SH3RF3: variants seen among roughly 807,000 people sequenced by gnomAD.
The protein encoded by SH3RF3 is E3 ubiquitin-protein ligase SH3RF3.
In SH3RF3, 29 loss-of-function variants were observed where a neutral mutation model predicts 66.3. That is an observed-to-expected ratio of 0.44 (90% CI 0.33 to 0.60). SH3RF3 has a LOEUF of 0.60. Among genes scored for constraint, SH3RF3 ranks in the 20% least tolerant of loss-of-function variants. The pLI is 0.04. For missense variants in SH3RF3, 1,194 were observed against 1,190.9 expected, an observed-to-expected ratio of 1.00 and a Z score of -0.04; for synonymous variants, 583 against 532.0, an observed-to-expected ratio of 1.10 and a Z score of -1.32.
intron 1 of SH3RF3, among the ~76,000 whole-genome samples, chr2:109,177,036 G>A (rs1677932177): frequency 6.6e-6 from 1 of 152,196 alleles, no homozygotes; most frequent in Admixed American, 6.5e-5. Context: ...TCAGCCACCT[G>A]CTGTGTGACC....
chr2:109,452,632 G>A (rs1261616062), intron 8 of SH3RF3, among the ~76,000 whole-genome samples: 6 of 152,206 alleles, frequency 3.9e-5, no homozygotes, highest in Non-Finnish European at 8.8e-5. Context: ...CCATATCCCT[G>A]TGTGTGGAGA....
At chr2:109,140,773 C>A (rs984662761) in intron 1 of SH3RF3, among the ~76,000 whole-genome samples, 1 of 152,170 alleles carries the variant, frequency 6.6e-6, no homozygotes, top group Non-Finnish European at 1.5e-5. Context: ...CCAGTCTATG[C>A]AATATGATTG....
chr2:109,319,284 A>G (rs1430302), intron 1 of SH3RF3, among the ~76,000 whole-genome samples: 46,344 of 152,130 alleles, frequency 0.3, 8,586 homozygotes, highest in African/African-American at 0.52. Context: ...GGTTCCTGGC[A>G]TCGTGATATG....
intron 1 of SH3RF3, among the ~76,000 whole-genome samples, chr2:109,175,267 C>T (rs1013077404): frequency 6.6e-6 from 1 of 152,180 alleles, no homozygotes; most frequent in Admixed American, 6.5e-5. Context: ...GTACTTCATC[C>T]TTTCCCCTAT....
At chr2:109,216,738 C>G (rs1248672692) in intron 1 of SH3RF3, among the ~76,000 whole-genome samples, 1 of 152,218 alleles carries the variant, frequency 6.6e-6, no homozygotes, top group African/African-American at 2.4e-5. Context: ...TTGCTAGGAC[C>G]TGATTTAAAT....
chr2:109,490,562 G>A (rs1679102239), intron 8 of SH3RF3, 43 bp from the exon 9 acceptor site: 39 of 1,365,952 alleles, frequency 2.9e-5, no homozygotes, highest in Non-Finnish European at 3.6e-5. Context: ...AGGGCATTGG[G>A]AAGCATTCAC....
chr2:109,172,085 T>G (rs1677796291), intron 1 of SH3RF3, among the ~76,000 whole-genome samples: 2 of 152,224 alleles, frequency 1.3e-5, no homozygotes, highest in African/African-American at 4.8e-5. Flanking sequence ...AAACTTGATA[T>G]GCACGTCATT....
intron 1 of SH3RF3, among the ~76,000 whole-genome samples, chr2:109,333,005 ATGTATTCGTCTTC>A (rs1682323538): frequency 6.6e-6 from 1 of 152,238 alleles, no homozygotes; most frequent in Admixed American, 6.5e-5. Flanking sequence ...CTGCTGGGTC[ATGTATTCGTCTTC>A]GGCAGCCTGG....
chr2:109,175,326 G>GT (rs1158974254), intron 1 of SH3RF3, among the ~76,000 whole-genome samples: 1 of 152,178 alleles, frequency 6.6e-6, no homozygotes, highest in Non-Finnish European at 1.5e-5. Flanking sequence ...TGTCTGAGGG[G>GT]TTTGTATTTC....
chr2:109,130,170 C>T lies in SH3RF3; in HGVS notation c.573+57C>T, dbSNP rs1010791058. On this transcript the variant is annotated intron_variant, in intron 1 of 9. Transcript: ENST00000309415. The stretch of plus-strand genomic sequence containing the variant: ...GCACGTGGGAGTGTGTGGGTGGGTG[C>T]TTGGGCGTGGGGGGCAGTGATGAGG... 4.8e-6 allele frequency: 6 copies of T among 1,250,986 alleles called. No individual in the cohort carries two copies. The Admixed American group carries it at 1.7e-4, about 35-fold the overall frequency. 77.5% of individuals were successfully genotyped at this position (1,250,986 alleles called of 1,614,324 possible).
At chr2:109,195,964 C>T (rs1283612301) in intron 1 of SH3RF3, among the ~76,000 whole-genome samples, 2 of 152,218 alleles carry the variant, frequency 1.3e-5, no homozygotes, top group Admixed American at 6.5e-5. Context: ...AGGTACCTTG[C>T]GGGCCTTCTG....
chr2:109,383,228 G>A lies in SH3RF3; in HGVS notation c.945+11547G>A, dbSNP rs1006691819. Reference sequence around the variant, plus strand: ...AGGATGACAGCAGCACTTCTTGGCTGAGGTCCAGGGCTATGTTTGGTACAG... The same window carrying A: ...AGGATGACAGCAGCACTTCTTGGCTAAGGTCCAGGGCTATGTTTGGTACAG... On this transcript the variant is annotated intron_variant, in intron 3 of 9. Transcript: ENST00000309415. 5.3e-5 allele frequency among the ~76,000 whole-genome samples: 8 copies of A among 152,362 alleles called. 1 individual carries two copies. Among genetic ancestry groups the A allele is most frequent in the Admixed American group, 5.2e-4 (8 of 15,306 alleles).
intron 1 of SH3RF3, among the ~76,000 whole-genome samples, chr2:109,330,229 T>A (rs866441700): frequency 2.0e-5 from 3 of 152,194 alleles, no homozygotes; most frequent in Non-Finnish European, 2.9e-5. Context: ...TCTCCCCAAC[T>A]CTGTGGGTTG....
At chr2:109,199,330 A>ATAAAATAAATAAAATAAAATAAAAT (rs1558953522) in intron 1 of SH3RF3, among the ~76,000 whole-genome samples, 12 of 150,568 alleles carry the variant, frequency 8.0e-5, no homozygotes, top group South Asian at 2.1e-4. Flanking sequence ...TCAAAAAGTA[A>ATAAAATAAATAAAATAAAATAAAAT]AATGGAATGG....
At chr2:109,209,333 G>T (rs1289140221) in intron 1 of SH3RF3, among the ~76,000 whole-genome samples, 1 of 152,186 alleles carries the variant, frequency 6.6e-6, no homozygotes, top group Non-Finnish European at 1.5e-5. Context: ...CTTGGCTCCA[G>T]TGGTGTGCTG....
chr2:109,158,034 A>G (rs1018222590), intron 1 of SH3RF3, among the ~76,000 whole-genome samples: 13 of 152,114 alleles, frequency 8.5e-5, no homozygotes, highest in Admixed American at 2.6e-4. Flanking sequence ...GCGTGCTTCA[A>G]TTGCACTGTG....
At chr2:109,159,976 T>C (rs1677447821) in intron 1 of SH3RF3, among the ~76,000 whole-genome samples, 1 of 152,206 alleles carries the variant, frequency 6.6e-6, no homozygotes, top group African/African-American at 2.4e-5. Flanking sequence ...AGAAATAAAG[T>C]GCACAATAAA....
chr2:109,464,199 C>G (rs2104696178), intron 8 of SH3RF3, among the ~76,000 whole-genome samples: 1 of 152,232 alleles, frequency 6.6e-6, no homozygotes, highest in Admixed American at 6.5e-5. Flanking sequence ...CTGGACTGAC[C>G]TATTAAAAGA....
At chr2:109,240,813 G>A (rs1679760357) in intron 1 of SH3RF3, among the ~76,000 whole-genome samples, 1 of 151,594 alleles carries the variant, frequency 6.6e-6, no homozygotes, top group East Asian at 1.9e-4. Context: ...CTCTTCTAAG[G>A]TTACTTCTTC....
Sources: gnomAD v4.1 joint callset for allele counts (sites outside exome capture counted in the v4.1 genomes callset) on GRCh38, gnomAD v4.1.1 for gene constraint, MANE v1.5 for transcripts, NCBI Gene and HGNC (gene_info 2026-07-23, HGNC 2026-07-21) for gene names.